Variants in ZFPM2 observed in about 807,000 individuals in gnomAD.
ZFPM2 encodes the protein zinc finger protein, FOG family member 2.
A neutral mutation model predicts 98.6 loss-of-function variants in ZFPM2; 20 were observed. That is an observed-to-expected ratio of 0.20 (90% CI 0.14 to 0.29). The LOEUF is 0.29. Among genes scored for constraint, ZFPM2 ranks in the 10% least tolerant of loss-of-function variants. The probability of loss-of-function intolerance (pLI) is 1.00; values close to 1 mark genes in which losing one functional copy is unlikely to be tolerated. For missense variants in ZFPM2, 1,310 were observed against 1,388.6 expected, an observed-to-expected ratio of 0.94 and a Z score of 0.90; for synonymous variants, 518 against 502.7, an observed-to-expected ratio of 1.03 and a Z score of -0.41.
chr8:105,596,167 T>C (rs1184721958), intron 4 of ZFPM2, among the ~76,000 whole-genome samples: 1 of 152,026 alleles, frequency 6.6e-6, no homozygotes, highest in African/African-American at 2.4e-5. Context: ...AGGTTGTAAG[T>C]TGTGTGAATG....
chr8:105,419,437 C>T, intron 2 of ZFPM2, 135 bp downstream of exon 2: 4 of 1,097,948 alleles, frequency 3.6e-6, no homozygotes, highest in Non-Finnish European at 5.1e-6. Flanking sequence ...TTTTTTTAAA[C>T]ATAAAATTTT....
At chr8:105,574,155 A>G (rs1271053529) in intron 4 of ZFPM2, among the ~76,000 whole-genome samples, 1 of 152,196 alleles carries the variant, frequency 6.6e-6, no homozygotes, top group Non-Finnish European at 1.5e-5. Context: ...TTTTGTTGTC[A>G]TACGAATATA....
chr8:105,469,371 T>C (rs908446835), intron 3 of ZFPM2, among the ~76,000 whole-genome samples: 5 of 152,158 alleles, frequency 3.3e-5, no homozygotes, highest in African/African-American at 9.7e-5. Flanking sequence ...CTCTTATTTT[T>C]CCCCTTTCTA....
chr8:105,713,450 A>G (rs893559776), intron 5 of ZFPM2, among the ~76,000 whole-genome samples: 11 of 152,078 alleles, frequency 7.2e-5, no homozygotes, highest in African/African-American at 2.7e-4. Flanking sequence ...ATTTGCAGAT[A>G]CTTTCTTCCA....
chr8:105,331,917 G>A (rs1197663189), intron 1 of ZFPM2, among the ~76,000 whole-genome samples: 3 of 151,688 alleles, frequency 2.0e-5, no homozygotes, highest in East Asian at 1.9e-4. Flanking sequence ...CTCTCTTCCA[G>A]TGGACATCCC....
intron 4 of ZFPM2, among the ~76,000 whole-genome samples, chr8:105,580,478 T>A (rs767086778): frequency 6.6e-6 from 1 of 152,174 alleles, no homozygotes; most frequent in Non-Finnish European, 1.5e-5. Context: ...CCATGTGAAT[T>A]TATTTATTAT....
chr8:105,519,979 T>C (rs2130542458), intron 3 of ZFPM2, among the ~76,000 whole-genome samples: 1 of 152,320 alleles, frequency 6.6e-6, no homozygotes, highest in African/African-American at 2.4e-5. Flanking sequence ...CTCCAGTTTC[T>C]AATTCTCCTT....
intron 5 of ZFPM2, among the ~76,000 whole-genome samples, chr8:105,732,938 A>G (rs1811977006): frequency 6.6e-6 from 1 of 151,908 alleles, no homozygotes; most frequent in Non-Finnish European, 1.5e-5. Flanking sequence ...TTTAATTCAT[A>G]CATATTAAAG....
intron 2 of ZFPM2, among the ~76,000 whole-genome samples, chr8:105,420,225 G>C (rs1283013739): frequency 1.3e-5 from 2 of 151,898 alleles, no homozygotes; most frequent in African/African-American, 4.8e-5. Context: ...GTGGACTTTT[G>C]TGTGTGTGTA....
chr8:105,734,275 C>A (rs1203782440), intron 5 of ZFPM2, among the ~76,000 whole-genome samples: 1 of 151,912 alleles, frequency 6.6e-6, no homozygotes, highest in East Asian at 1.9e-4. Context: ...GCATCTGAGC[C>A]ATTTTATTTA....
intron 5 of ZFPM2, among the ~76,000 whole-genome samples, chr8:105,683,285 T>A (rs777956990): frequency 6.6e-6 from 1 of 152,128 alleles, no homozygotes; most frequent in Non-Finnish European, 1.5e-5. Context: ...CATTGGTATG[T>A]GACCACAGAG....
chr8:105,645,147 G>C (rs1817018620), intron 5 of ZFPM2, among the ~76,000 whole-genome samples: 1 of 152,088 alleles, frequency 6.6e-6, no homozygotes, highest in Non-Finnish European at 1.5e-5. Flanking sequence ...GGATAAACCA[G>C]TATGATGCAG....
chr8:105,552,044 T>C (rs958729589), intron 3 of ZFPM2, among the ~76,000 whole-genome samples: 9 of 152,190 alleles, frequency 5.9e-5, no homozygotes, highest in African/African-American at 2.2e-4. Context: ...AATAAATAAA[T>C]AAATGATGTT....
intron 3 of ZFPM2, among the ~76,000 whole-genome samples, chr8:105,483,589 CAA>C (rs528417557): frequency 2.0e-4 from 22 of 109,048 alleles, no homozygotes; most frequent in African/African-American, 3.6e-4. Flanking sequence ...GAGTCCATCT[CAA>C]AAAAAAAAAA....
chr8:105,803,844 T>C lies in ZFPM2; in HGVS notation c.*306T>C, dbSNP rs895369666. On this transcript the variant is annotated 3_prime_UTR_variant, in exon 8 of 8. Coordinates refer to ENST00000407775, the MANE Select transcript of ZFPM2 (RefSeq NM_012082.4). ...TTGTATAGTTATTGTGTAGCACATA[T>C]GGTTTGCACTGTATAGTAGCTTTTA... is the stretch of plus-strand genomic sequence containing the variant. The C allele has an allele frequency of 1.7e-5, 5 of 291,242 alleles. No individual in the cohort carries two copies. Among genetic ancestry groups the C allele is most frequent in the African/African-American group, 4.4e-5 (2 of 45,382 alleles). 18.0% of individuals were successfully genotyped at this position (291,242 alleles called of 1,614,324 possible). A position where few individuals can be genotyped will look rare whatever the true frequency, so the allele number is the denominator to read the frequency against.
At chr8:105,572,101 G>A (rs1249208030) in intron 4 of ZFPM2, among the ~76,000 whole-genome samples, 3 of 145,842 alleles carry the variant, frequency 2.1e-5, no homozygotes, top group Admixed American at 7.1e-5. Flanking sequence ...GCAATGGTGC[G>A]ATCTCATCTC....
At chr8:105,449,617 G>A (rs1812446678) in intron 3 of ZFPM2, among the ~76,000 whole-genome samples, 1 of 151,736 alleles carries the variant, frequency 6.6e-6, no homozygotes, top group Non-Finnish European at 1.5e-5. Context: ...AATTATTTTG[G>A]GGTAATGTCA....
chr8:105,618,882 A>G (rs1024946382), intron 4 of ZFPM2, among the ~76,000 whole-genome samples: 5 of 152,152 alleles, frequency 3.3e-5, no homozygotes, highest in Non-Finnish European at 7.4e-5. Flanking sequence ...TAATGAATAT[A>G]TGCTAAAACT....
chr8:105,510,410 T>G (rs921584509), intron 3 of ZFPM2, among the ~76,000 whole-genome samples: 75 of 138,080 alleles, frequency 5.4e-4, no homozygotes, highest in Non-Finnish European at 6.4e-4. Flanking sequence ...TTTTTTTTTT[T>G]TTGTTTGTTT....
Sources: allele counts gnomAD v4.1 joint callset (sites outside exome capture counted in the v4.1 genomes callset), GRCh38; gene constraint gnomAD v4.1.1; transcripts MANE v1.5; gene names NCBI Gene and HGNC (gene_info 2026-07-23, HGNC 2026-07-21).